Variants in EPHA6 observed in about 807,000 individuals in gnomAD.
EPHA6 encodes the protein EPH receptor A6, also known as ephrin type-A receptor 6.
In EPHA6, 50 loss-of-function variants were observed where a neutral mutation model predicts 112.0. That is an observed-to-expected ratio of 0.45 (90% CI 0.36 to 0.56). The LOEUF is 0.56. Ranked by LOEUF, EPHA6 falls within the 20% of genes least tolerant of loss-of-function variation. The probability of loss-of-function intolerance (pLI) is 0.00; values close to 1 mark genes in which losing one functional copy is unlikely to be tolerated. For missense variants in EPHA6, 1,280 were observed against 1,417.4 expected (o/e 0.90, Z 1.56); for synonymous variants, 529 against 490.7 (o/e 1.08, Z -1.03).
At chr3:96,972,787 A>G (rs2107788904) in intron 2 of EPHA6, among the ~76,000 whole-genome samples, 1 of 152,288 alleles carries the variant, frequency 6.6e-6, no homozygotes, top group East Asian at 1.9e-4. Context: ...TAGCTTTCCA[A>G]TAGTCCGTTC....
intron 13 of EPHA6, among the ~76,000 whole-genome samples, chr3:97,635,925 A>C (rs1181483123): frequency 6.6e-6 from 1 of 152,096 alleles, no homozygotes; most frequent in African/African-American, 2.4e-5. Context: ...ATGTAGGAGC[A>C]TATGTTGAGA....
At chr3:97,265,103 G>A (rs1001658159) in intron 5 of EPHA6, among the ~76,000 whole-genome samples, 2 of 152,104 alleles carry the variant, frequency 1.3e-5, no homozygotes, top group African/African-American at 4.8e-5. Flanking sequence ...CTTTGCTCTG[G>A]CTAACCCTGG....
intron 7 of EPHA6, among the ~76,000 whole-genome samples, chr3:97,457,005 T>C (rs186063673): frequency 3.6e-4 from 55 of 152,326 alleles, no homozygotes; most frequent in African/African-American, 1.2e-3. Flanking sequence ...ATATGGCTTT[T>C]CAAAAGTCGT....
At chr3:97,435,010 C>T (rs1023499820) in intron 6 of EPHA6, among the ~76,000 whole-genome samples, 2 of 151,568 alleles carry the variant, frequency 1.3e-5, no homozygotes, top group East Asian at 3.9e-4. Context: ...TCTTAGATTG[C>T]CATACAGAGC....
At chr3:97,481,928 T>A (rs1362707114) in intron 9 of EPHA6, among the ~76,000 whole-genome samples, 3 of 152,250 alleles carry the variant, frequency 2.0e-5, no homozygotes, top group East Asian at 3.9e-4. Flanking sequence ...GCATTTATTA[T>A]CTGTTTTCCA....
intron 3 of EPHA6, among the ~76,000 whole-genome samples, chr3:97,148,553 A>G (rs1308471541): frequency 6.6e-6 from 1 of 152,120 alleles, no homozygotes; most frequent in Non-Finnish European, 1.5e-5. Flanking sequence ...AATATATGCT[A>G]CTTGCTATAA....
At chr3:97,387,871 G>C (rs926752972) in intron 5 of EPHA6, among the ~76,000 whole-genome samples, 5 of 152,154 alleles carry the variant, frequency 3.3e-5, no homozygotes, top group Admixed American at 6.5e-5. Context: ...GGCTGTTCAG[G>C]ACTCTGATTC....
At chr3:97,474,958 C>T (rs532634707) in intron 7 of EPHA6, among the ~76,000 whole-genome samples, 4 of 151,986 alleles carry the variant, frequency 2.6e-5, no homozygotes, top group Non-Finnish European at 4.4e-5. Flanking sequence ...AAACAGATAT[C>T]AAAACAGTCT....
intron 14 of EPHA6, among the ~76,000 whole-genome samples, chr3:97,676,722 G>A (rs1302233917): frequency 6.6e-6 from 1 of 152,222 alleles, no homozygotes; most frequent in East Asian, 1.9e-4. Flanking sequence ...ATTGGATTTA[G>A]ATGGGAGTAT....
intron 3 of EPHA6, among the ~76,000 whole-genome samples, chr3:97,223,598 AT>A (rs2078266726): frequency 6.6e-6 from 1 of 152,218 alleles, no homozygotes; most frequent in Non-Finnish European, 1.5e-5. Context: ...GGAGGCAGTT[AT>A]CAAGGCAACA....
intron 1 of EPHA6, among the ~76,000 whole-genome samples, chr3:96,854,365 A>G (rs2035572364): frequency 1.3e-5 from 2 of 151,870 alleles, no homozygotes; most frequent in South Asian, 4.2e-4. Context: ...TTTTTAGTAA[A>G]GTCGAGATTT....
At chr3:97,187,662 G>T (rs192003283) in intron 3 of EPHA6, among the ~76,000 whole-genome samples, 1 of 101,702 alleles carries the variant, frequency 9.8e-6, no homozygotes, top group Non-Finnish European at 2.0e-5. Flanking sequence ...AAGAAAGAAA[G>T]GAAAGAAAGA....
intron 2 of EPHA6, among the ~76,000 whole-genome samples, chr3:96,972,863 T>C (rs912500472): frequency 6.6e-6 from 1 of 152,214 alleles, no homozygotes; most frequent in African/African-American, 2.4e-5. Flanking sequence ...AAATAAAAGT[T>C]TATATTTCTT....
intron 14 of EPHA6, among the ~76,000 whole-genome samples, chr3:97,642,539 T>G (rs1247401741): frequency 6.7e-6 from 1 of 148,604 alleles, no homozygotes; most frequent in Non-Finnish European, 1.5e-5. Flanking sequence ...TTGAAAACTT[T>G]GAAAAAAATT....
intron 5 of EPHA6, among the ~76,000 whole-genome samples, chr3:97,272,634 G>C (rs541010339): frequency 1.3e-5 from 2 of 152,018 alleles, no homozygotes; most frequent in African/African-American, 4.8e-5. Context: ...CAGTCAAAGG[G>C]GGGTGTTCTC....
At position 97,441,444 on chromosome 3, in the gene EPHA6, AC is replaced by A. The variant is rs1056179472; in HGVS notation, c.1732-7123del. On this transcript the variant is annotated intron_variant, in intron 6 of 17. Coordinates refer to ENST00000389672, the MANE Select transcript of EPHA6 (RefSeq NM_001080448.3). Reference sequence around the variant, plus strand: ...AACAAAACTACAATGGAAGAAGAAAACGTCCTCAACTAGACATCTGCCAAAA... The same window carrying A: ...AACAAAACTACAATGGAAGAAGAAAAGTCCTCAACTAGACATCTGCCAAAA... The A allele has an allele frequency of 6.1e-6, 6 of 980,322 alleles. No individual in the cohort carries two copies. The African/African-American group carries it at 1.1e-4, about 17-fold the overall frequency. The allele number at this position is 980,322 out of a possible 1,614,324, so 60.7% of individuals were successfully genotyped here.
intron 11 of EPHA6, among the ~76,000 whole-genome samples, chr3:97,542,713 A>G (rs1315615945): frequency 1.3e-5 from 2 of 152,262 alleles, no homozygotes; most frequent in African/African-American, 2.4e-5. Context: ...TCCCACCAAC[A>G]GTGAAAAAGT....
chr3:97,466,577 C>T (rs1340566429), intron 7 of EPHA6: 1 of 707,114 alleles, frequency 1.4e-6, no homozygotes, highest in Admixed American at 2.2e-5. Flanking sequence ...GTTCTGTTTT[C>T]TTCTCTGATG....
At chr3:97,003,625 T>C (rs774603638) in intron 3 of EPHA6, among the ~76,000 whole-genome samples, 2 of 152,190 alleles carry the variant, frequency 1.3e-5, no homozygotes, top group Non-Finnish European at 2.9e-5. Context: ...AAGCAATAAC[T>C]TTTTAAAAAT....
Sources: gnomAD v4.1 joint callset for allele counts (sites outside exome capture counted in the v4.1 genomes callset) on GRCh38, gnomAD v4.1.1 for gene constraint, MANE v1.5 for transcripts, NCBI Gene and HGNC (gene_info 2026-07-23, HGNC 2026-07-21) for gene names.